Variants in MTFMT observed in about 807,000 individuals in gnomAD.
The protein encoded by MTFMT is methionyl-tRNA formyltransferase, mitochondrial.
A neutral mutation model predicts 51.8 loss-of-function variants in MTFMT; 47 were observed. The ratio of observed to expected loss-of-function variants is 0.91; its 90% confidence interval spans 0.72 to 1.16. The LOEUF (loss-of-function observed/expected upper bound fraction) is 1.16, where lower values mean the gene tolerates loss of function less well. MTFMT is among the 50% of genes most tolerant of loss of function. MTFMT has a pLI of 0.00. For missense variants in MTFMT, 512 were observed against 482.3 expected (o/e 1.06, Z -0.58); for synonymous variants, 196 against 176.7 (o/e 1.11, Z -0.87).
intron 5 of MTFMT, among the ~76,000 whole-genome samples, chr15:65,019,427 C>T (rs1396823587): frequency 1.3e-5 from 2 of 152,022 alleles, no homozygotes; most frequent in Non-Finnish European, 2.9e-5. Flanking sequence ...AATGTTTATA[C>T]TCCTAACTCT....
intron 2 of MTFMT, among the ~76,000 whole-genome samples, chr15:65,024,169 A>G (rs772095240): frequency 3.9e-5 from 6 of 152,152 alleles, no homozygotes; most frequent in Non-Finnish European, 7.4e-5. Context: ...TCTACTAAAA[A>G]GACAAAATTA....
intron 4 of MTFMT, among the ~76,000 whole-genome samples, chr15:65,020,816 G>C (rs955286329): frequency 6.6e-6 from 1 of 151,926 alleles, no homozygotes; most frequent in East Asian, 1.9e-4. Flanking sequence ...AAGTTGAGAG[G>C]GTAAAAAGAA....
At position 65,005,028 on chromosome 15, in the gene MTFMT, G is replaced by A. The variant is rs138269418; in HGVS notation, c.893-92C>T. ...TTAAAAATCAAAAAACATCTTGGGA[G>A]GCAGTACTGATACCGGAGAGAACAC... On this transcript the variant is annotated intron_variant, in intron 7 of 8. Coordinates refer to ENST00000220058, the MANE Select transcript of MTFMT (RefSeq NM_139242.4). 7.9e-3 allele frequency: 6,876 copies of A among 865,476 alleles called. 35 individuals carry two copies. The highest frequency in any genetic ancestry group is 0.01 in the Non-Finnish European group (5,569 of 531,706). The allele number at this position is 865,476 out of a possible 1,614,324, so 53.6% of individuals were successfully genotyped here. A position where few individuals can be genotyped will look rare whatever the true frequency, so the allele number is the denominator to read the frequency against.
intron 6 of MTFMT, chr15:65,015,808 G>C (rs769861839): frequency 1.3e-5 from 2 of 152,234 alleles, no homozygotes. Context: ...CTGTACTCCA[G>C]GCCTGGGTGA....
At chr15:65,010,372 C>T (rs996091254) in intron 6 of MTFMT, among the ~76,000 whole-genome samples, 4 of 102 alleles carry the variant, frequency 0.039, no homozygotes, top group East Asian at 0.5. Context: ...GAAAAAACGC[C>T]ATCCATTATC....
At position 65,024,321 on chromosome 15, in the gene MTFMT, G is replaced by A. The variant is rs114847616; in HGVS notation, c.420-527C>T. On this transcript the variant is annotated intron_variant, in intron 2 of 8. Transcript: ENST00000220058. ...GCCTGGGCAACAAGAGCGAAACTCCGTCGCAAAATCTACAACAGCCCATGA... is the reference window on the plus strand; with the variant it reads ...GCCTGGGCAACAAGAGCGAAACTCCATCGCAAAATCTACAACAGCCCATGA... 3.9e-3 allele frequency among the ~76,000 whole-genome samples: 599 copies of A among 152,182 alleles called. 3 individuals are homozygous for A. Among genetic ancestry groups the A allele is most frequent in the African/African-American group, 0.014 (573 of 41,528 alleles).
rs2086323814 is a variant in MTFMT at position 65,016,542 on chromosome 15, CA to C, written c.722-16del. 6.4e-7 allele frequency: 1 copy of C among 1,569,682 alleles called. No homozygotes were observed. ...AATCTTAGGGGCTACAAGATAAAACCAAGAGCAAAAATGAACATCAGGGTCA... is the reference window on the plus strand; with the variant it reads ...AATCTTAGGGGCTACAAGATAAAACCAGAGCAAAAATGAACATCAGGGTCA... On this transcript the variant is annotated splice_polypyrimidine_tract_variant and intron_variant, in intron 5 of 8. Transcript: ENST00000220058.
intron 6 of MTFMT, among the ~76,000 whole-genome samples, chr15:65,012,129 CAAAAAAAAAAAAAAA>C (rs58093427): frequency 5.1e-5 from 3 of 58,712 alleles, no homozygotes; most frequent in South Asian, 1.7e-3. Context: ...GCACTCTTGT[CAAAAAAAAAAAAAAA>C]AAAAAAAAAA....
intron 8 of MTFMT, among the ~76,000 whole-genome samples, chr15:65,003,845 C>CAAAAAA (rs768884218): frequency 1.5e-4 from 6 of 40,640 alleles, no homozygotes; most frequent in East Asian, 6.4e-4. Context: ...AACTCCATCT[C>CAAAAAA]AAAAAAAAAA....
At chr15:65,020,112 T>C (rs182909014) in intron 5 of MTFMT, 85 bp downstream of exon 5, 4 of 1,274,500 alleles carry the variant, frequency 3.1e-6, no homozygotes, top group Non-Finnish European at 4.4e-6. Flanking sequence ...AAGGGAAAAG[T>C]ACAGCTAAGA....
At position 65,013,942 on chromosome 15, in the gene MTFMT, CA is replaced by C. The variant is rs535975977; in HGVS notation, c.813+2493del. ...TAGGCGACAGGGCGAGACACCATCTCAAAAAAAAAAAACAAAAAACAAAAAA... is the reference window on the plus strand; with the variant it reads ...TAGGCGACAGGGCGAGACACCATCTCAAAAAAAAAAACAAAAAACAAAAAA... On this transcript the variant is annotated intron_variant, in intron 6 of 8. Coordinates refer to ENST00000220058, the MANE Select transcript of MTFMT (RefSeq NM_139242.4). Among the ~76,000 whole-genome samples, 163 of 129,578 alleles carry C rather than the reference CA, an allele frequency of 1.3e-3. 1 individual carries two copies. The highest frequency in any genetic ancestry group is 1.7e-3 in the Non-Finnish European group (99 of 58,852). The allele number at this position is 129,578 out of a possible 152,430, so 85.0% of individuals were successfully genotyped here.
At chr15:65,012,843 A>G (rs1051676598) in intron 6 of MTFMT, among the ~76,000 whole-genome samples, 1 of 152,150 alleles carries the variant, frequency 6.6e-6, no homozygotes, top group Non-Finnish European at 1.5e-5. Flanking sequence ...GCCCCTTGCA[A>G]TTCTGTATAC....
chr15:65,011,218 AG>A (rs1305871382), intron 6 of MTFMT, among the ~76,000 whole-genome samples: 1 of 152,152 alleles, frequency 6.6e-6, no homozygotes, highest in African/African-American at 2.4e-5. Context: ...GCTACTAGGG[AG>A]GCTGAGGCAG....
rs2086180377 is a variant in MTFMT, at chr15:65,002,071, T to A, written c.*991A>T. The A allele has an allele frequency of 6.6e-6, 1 of 152,072 alleles. No individual in the cohort carries two copies. The highest frequency in any genetic ancestry group is 2.4e-5 in the African/African-American group (1 of 41,396). The allele number at this position is 152,072 out of a possible 1,614,324, so 9.4% of individuals were successfully genotyped here. ...CTAAAATGTCAGTGGTGACACGATTTTTAAAAAATTAAATAGATGCACTGT... is the reference window on the plus strand; with the variant it reads ...CTAAAATGTCAGTGGTGACACGATTATTAAAAAATTAAATAGATGCACTGT... On this transcript the variant is annotated 3_prime_UTR_variant, in exon 9 of 9. Transcript: ENST00000220058.
chr15:65,013,967 A>C (rs1294414949), intron 6 of MTFMT, among the ~76,000 whole-genome samples: 1 of 152,040 alleles, frequency 6.6e-6, no homozygotes, highest in Non-Finnish European at 1.5e-5. Context: ...AAAAACAAAA[A>C]ACAAAACCCA....
Position 65,023,591 on chromosome 15 carries a change from C to CA in MTFMT, c.542+80dup, listed in dbSNP as rs1333655589. On this transcript the variant is annotated intron_variant, in intron 3 of 8. Transcript: ENST00000220058. The stretch of plus-strand genomic sequence containing the variant: ...GTCACAGAAATTAGTGAGCACCACC[C>CA]ATTCATCCACTGCCCCCCAAACAGG... The CA allele has an allele frequency of 1.1e-5, 15 of 1,358,902 alleles. No individual in the cohort carries two copies. In the East Asian group the frequency reaches 3.6e-4, roughly 32 times the overall value. 84.2% of individuals were successfully genotyped at this position (1,358,902 alleles called of 1,614,324 possible). A position where few individuals can be genotyped will look rare whatever the true frequency, so the allele number is the denominator to read the frequency against.
intron 5 of MTFMT, 134 bp downstream of exon 5, chr15:65,020,062 CT>C: frequency 6.7e-6 from 5 of 746,538 alleles, no homozygotes; most frequent in Non-Finnish European, 1.1e-5. Flanking sequence ...TTCTACCATT[CT>C]TTGGAAAAGC....
In MTFMT at chr15:65,029,568, C is replaced by T; in HGVS notation, c.46G>A (p.Gly16Ser). The T allele has an allele frequency of 6.7e-7, 1 of 1,501,980 alleles. No homozygotes were observed. Among genetic ancestry groups the T allele is most frequent in the Non-Finnish European group, 8.9e-7 (1 of 1,125,892 alleles). 93.0% of individuals were successfully genotyped at this position (1,501,980 alleles called of 1,614,324 possible). A position where few individuals can be genotyped will look rare whatever the true frequency, so the allele number is the denominator to read the frequency against. Residue 16 changes from glycine (G) to serine (S), a missense_variant, in exon 1 of 9, where the codon GGC (glycine) becomes AGC (serine). Coordinates refer to ENST00000220058, the MANE Select transcript of MTFMT (RefSeq NM_139242.4). Reference protein sequence around the residue: ...RRCWGPPLAHGARRGRPSPQW... With the variant: ...RRCWGPPLAHSARRGRPSPQW... ...GGACTCGGCCTCCCACGCCTGGCGC[C>T]ATGAGCCAGCGGAGGACCCCAACAG...
At chr15:65,027,187 T>C in intron 1 of MTFMT, 147 bp from the exon 2 acceptor site, 1 of 654,380 alleles carries the variant, frequency 1.5e-6, no homozygotes, top group Admixed American at 3.0e-5. Flanking sequence ...GACTGAGTTT[T>C]CATTTTTTCT....
Sources: gnomAD v4.1 joint callset for allele counts (sites outside exome capture counted in the v4.1 genomes callset) on GRCh38, gnomAD v4.1.1 for gene constraint, MANE v1.5 for transcripts, NCBI Gene and HGNC (gene_info 2026-07-23, HGNC 2026-07-21) for gene names.